Variants in ASCC1 observed in about 807,000 individuals in gnomAD.
ASCC1 encodes the protein ASC-1 complex subunit P50.
ASCC1 carries 35 observed loss-of-function variants against 46.6 expected under a neutral mutation model. The observed-to-expected ratio is 0.75, with a 90% CI of 0.57 to 0.99. The LOEUF (loss-of-function observed/expected upper bound fraction) is 0.99, where lower values mean the gene tolerates loss of function less well. ASCC1 is among the 50% of genes least tolerant of loss of function. ASCC1 has a pLI of 0.00. For missense variants in ASCC1, 376 were observed against 428.7 expected (o/e 0.88, Z 1.09); for synonymous variants, 143 against 146.6 (o/e 0.98, Z 0.18).
At position 72,116,715 on chromosome 10, in the gene ASCC1, T is replaced by C. The variant is rs575565637; in HGVS notation, c.957+11367A>G. On this transcript the variant is annotated intron_variant, in intron 9 of 9. Transcript: ENST00000672957. Reference sequence around the variant, plus strand: ...TCTTTATTTCAGTTATTGCCTTTTATAGATCTAGCATTTCTATTTGGTTCT... The same window carrying C: ...TCTTTATTTCAGTTATTGCCTTTTACAGATCTAGCATTTCTATTTGGTTCT... Among the ~76,000 whole-genome samples the C allele has an allele frequency of 2.0e-4, 30 of 152,350 alleles. No individual in the cohort carries two copies. The South Asian group carries it at 5.6e-3, about 28-fold the overall frequency.
intron 4 of ASCC1, among the ~76,000 whole-genome samples, chr10:72,201,119 T>C (rs1367900812): frequency 6.6e-6 from 1 of 152,152 alleles, no homozygotes; most frequent in Non-Finnish European, 1.5e-5. Flanking sequence ...AAAAGTCAAT[T>C]GCTACTTATC....
At chr10:72,197,042 A>T (rs1015155874) in intron 4 of ASCC1, 53 bp from the exon 5 acceptor site, 3 of 1,580,456 alleles carry the variant, frequency 1.9e-6, no homozygotes, top group Non-Finnish European at 2.6e-6. Context: ...AATGCTTATA[A>T]AACAGGACCT....
intron 9 of ASCC1, among the ~76,000 whole-genome samples, chr10:72,112,235 A>G (rs1172560624): frequency 6.6e-6 from 1 of 152,208 alleles, no homozygotes. Context: ...ATGGAATAAT[A>G]TTCAGCCTTA....
intron 7 of ASCC1, among the ~76,000 whole-genome samples, chr10:72,137,054 G>T (rs867965429): frequency 3.3e-5 from 5 of 152,160 alleles, no homozygotes; most frequent in Middle Eastern, 3.4e-3. Flanking sequence ...ACCAATTCTG[G>T]ACATACCACC....
At chr10:72,210,648 A>G (rs1857941963) in intron 3 of ASCC1, 84 bp downstream of exon 3, 7 of 1,045,806 alleles carry the variant, frequency 6.7e-6, no homozygotes, top group South Asian at 5.2e-5. Context: ...AAGCACTGCA[A>G]TAAGTATGGA....
intron 6 of ASCC1, among the ~76,000 whole-genome samples, chr10:72,154,265 T>A (rs146545221): frequency 2.4e-3 from 364 of 152,174 alleles, no homozygotes; most frequent in Non-Finnish European, 3.8e-3. Flanking sequence ...AAATAATAGA[T>A]CTTGACAATG....
intron 6 of ASCC1, chr10:72,159,135 C>G (rs569070980): frequency 6.6e-6 from 1 of 152,306 alleles, no homozygotes; most frequent in Non-Finnish European, 1.5e-5. Flanking sequence ...CATCTTTAAA[C>G]AAATTTTTGC....
Position 72,130,854 on chromosome 10 carries a change from T to C in ASCC1, c.871+2203A>G, listed in dbSNP as rs149974713. On this transcript the variant is annotated intron_variant, in intron 8 of 9. Coordinates refer to ENST00000672957, the MANE Select transcript of ASCC1 (RefSeq NM_001198800.3). ...TCGCAGATACAGAATACTTCAATCA[T>C]CACAGACCGTTTTCTTAATACAGTA... Among the ~76,000 whole-genome samples the C allele has an allele frequency of 2.6e-3, 389 of 152,318 alleles. 3 individuals are homozygous for C. Among genetic ancestry groups the C allele is most frequent in the African/African-American group, 8.3e-3 (347 of 41,564 alleles).
At chr10:72,111,564 C>G (rs566515443) in intron 9 of ASCC1, among the ~76,000 whole-genome samples, 1 of 152,188 alleles carries the variant, frequency 6.6e-6, no homozygotes, top group East Asian at 1.9e-4. Context: ...ACCATTTTCT[C>G]GCTTTTAATT....
chr10:72,183,424 A>C (rs1428067027), intron 5 of ASCC1, among the ~76,000 whole-genome samples: 1 of 151,730 alleles, frequency 6.6e-6, no homozygotes, highest in Non-Finnish European at 1.5e-5. Flanking sequence ...GGGAGGCTGA[A>C]GCAGTTGGAT....
chr10:72,146,978 T>G (rs971219769), intron 7 of ASCC1, among the ~76,000 whole-genome samples: 1 of 151,754 alleles, frequency 6.6e-6, no homozygotes, highest in Non-Finnish European at 1.5e-5. Flanking sequence ...CATGTGTTAC[T>G]AGCTTCTGTA....
At chr10:72,160,186 G>T (rs1024078096) in intron 6 of ASCC1, among the ~76,000 whole-genome samples, 2 of 152,152 alleles carry the variant, frequency 1.3e-5, no homozygotes, top group African/African-American at 4.8e-5. Context: ...TTACAGGTGT[G>T]AGCCACTGTT....
At chr10:72,132,490 C>T (rs1845723952) in intron 8 of ASCC1, among the ~76,000 whole-genome samples, 1 of 152,208 alleles carries the variant, frequency 6.6e-6, no homozygotes, top group African/African-American at 2.4e-5. Context: ...TTCTCAACCT[C>T]TGTGCTACGA....
intron 7 of ASCC1, among the ~76,000 whole-genome samples, chr10:72,145,415 T>G (rs780660955): frequency 1.3e-5 from 2 of 152,214 alleles, no homozygotes; most frequent in African/African-American, 2.4e-5. Flanking sequence ...CCATGGGGCT[T>G]TTGCTCTGCT....
chr10:72,119,423 C>T (rs575818348), intron 9 of ASCC1, among the ~76,000 whole-genome samples: 60 of 152,322 alleles, frequency 3.9e-4, no homozygotes, highest in Non-Finnish European at 5.7e-4. Flanking sequence ...AGAGAAATAT[C>T]CAGCCCTAGT....
intron 9 of ASCC1, among the ~76,000 whole-genome samples, chr10:72,126,546 TTA>T (rs1844882436): frequency 2.6e-5 from 4 of 152,190 alleles, no homozygotes; most frequent in African/African-American, 9.7e-5. Context: ...CACCCCACTC[TTA>T]CAGATGTCAA....
At chr10:72,162,925 A>C (rs538638209) in intron 5 of ASCC1, among the ~76,000 whole-genome samples, 49 of 145,486 alleles carry the variant, frequency 3.4e-4, no homozygotes, top group African/African-American at 1.3e-3. Flanking sequence ...CCTGGGTGAC[A>C]AAGTGAGACT....
chr10:72,112,999 A>G (rs957994852), intron 9 of ASCC1, among the ~76,000 whole-genome samples: 3 of 152,138 alleles, frequency 2.0e-5, no homozygotes, highest in African/African-American at 7.2e-5. Flanking sequence ...CATAAAAAAG[A>G]TAAGTATTTT....
chr10:72,166,087 C>A (rs1479523518), intron 5 of ASCC1, among the ~76,000 whole-genome samples: 1 of 152,120 alleles, frequency 6.6e-6, no homozygotes, highest in Admixed American at 6.6e-5. Context: ...AAAATTCAAA[C>A]CCAGGCAGTC....
Sources: gnomAD v4.1 joint callset for allele counts (sites outside exome capture counted in the v4.1 genomes callset) on GRCh38, gnomAD v4.1.1 for gene constraint, MANE v1.5 for transcripts, NCBI Gene and HGNC (gene_info 2026-07-23, HGNC 2026-07-21) for gene names.